EYA4: variants seen among roughly 807,000 people sequenced by gnomAD.
EYA4 encodes the protein EYA transcriptional coactivator and phosphatase 4, also known as protein phosphatase EYA4.
Under a neutral mutation model 87.9 loss-of-function variants are expected in EYA4, and 31 were observed. The observed-to-expected ratio is 0.35, with a 90% CI of 0.27 to 0.48. The LOEUF (loss-of-function observed/expected upper bound fraction) is 0.48, where lower values mean the gene tolerates loss of function less well. Ranked by LOEUF, EYA4 falls within the 20% of genes least tolerant of loss-of-function variation. The pLI, the probability that EYA4 is intolerant of heterozygous loss-of-function variation, is 0.99. For synonymous variants in EYA4, 263 were observed against 270.6 expected (o/e 0.97, Z 0.28); for missense variants, 678 against 761.4 (o/e 0.89, Z 1.29).
chr6:133,419,138 T>A (rs559376537), intron 3 of EYA4, among the ~76,000 whole-genome samples: 26 of 152,326 alleles, frequency 1.7e-4, no homozygotes, highest in Admixed American at 7.8e-4. Flanking sequence ...CTGCACGGCC[T>A]TACAAATGAG....
In EYA4 at chr6:133,426,502, A is replaced by C. The variant is rs150367659; in HGVS notation, c.84-20128A>C. Among the ~76,000 whole-genome samples the C allele has an allele frequency of 1.1e-3, 166 of 152,300 alleles. 1 individual carries two copies. The highest frequency in any genetic ancestry group is 0.01 in the Middle Eastern group (3 of 294). On this transcript the variant is annotated intron_variant, in intron 3 of 19. Coordinates refer to ENST00000355286, the MANE Select transcript of EYA4 (RefSeq NM_004100.5). ...AATTGTTGAATCAGCTTGCTAACCT[A>C]TGTCAGTAAATTATCCCTCTTTTCT...
At chr6:133,253,650 AAATAAT>A (rs146660359) in intron 1 of EYA4, among the ~76,000 whole-genome samples, 1 of 151,614 alleles carries the variant, frequency 6.6e-6, no homozygotes, top group South Asian at 2.1e-4. Context: ...TACCTGGACA[AAATAAT>A]AATAATAATA....
chr6:133,242,007 C>T (rs1773985764), intron 1 of EYA4, among the ~76,000 whole-genome samples: 1 of 152,186 alleles, frequency 6.6e-6, no homozygotes, highest in Non-Finnish European at 1.5e-5. Flanking sequence ...CCCCAAGCCC[C>T]AAGGGTCCCT....
chr6:133,463,639 G>A (rs1334380840), intron 9 of EYA4, among the ~76,000 whole-genome samples: 4 of 152,112 alleles, frequency 2.6e-5, no homozygotes, highest in African/African-American at 9.7e-5. Flanking sequence ...GGGATTACAG[G>A]CGTGAGCCAC....
At chr6:133,332,084 C>T (rs985175628) in intron 2 of EYA4, among the ~76,000 whole-genome samples, 1 of 152,162 alleles carries the variant, frequency 6.6e-6, no homozygotes, top group African/African-American at 2.4e-5. Flanking sequence ...TACTAGCTCT[C>T]TGCGTGGTCA....
intron 2 of EYA4, among the ~76,000 whole-genome samples, chr6:133,364,012 G>A (rs1379165689): frequency 1.3e-5 from 2 of 152,178 alleles, no homozygotes; most frequent in Non-Finnish European, 2.9e-5. Context: ...CCTCACTTAT[G>A]GATCAGCTAA....
rs1779745220 is a variant in EYA4 at position 133,305,640 on chromosome 6, A to ATT, written c.33+30827_33+30828insTT. 3.9e-5 allele frequency among the ~76,000 whole-genome samples: 6 copies of ATT among 152,270 alleles called. No homozygotes were observed. The South Asian group carries it at 1.2e-3, about 32-fold the overall frequency. On this transcript the variant is annotated intron_variant, in intron 2 of 19. Transcript: ENST00000355286. ...GATAATAATTGCTATCATTTAGCCA[A>ATT]GAGCATTCATGGTGAGTTAGCATTG... is the stretch of plus-strand genomic sequence containing the variant.
chr6:133,287,447 C>T (rs1044932714), intron 2 of EYA4, among the ~76,000 whole-genome samples: 11 of 152,058 alleles, frequency 7.2e-5, no homozygotes, highest in African/African-American at 2.7e-4. Context: ...TAAGGCCTGC[C>T]TAGGACTGTG....
At chr6:133,469,557 A>G (rs1795148087) in intron 11 of EYA4, among the ~76,000 whole-genome samples, 1 of 152,044 alleles carries the variant, frequency 6.6e-6, no homozygotes, top group African/African-American at 2.4e-5. Context: ...ATGCTAGAAA[A>G]TGGATTTTTG....
chr6:133,334,457 A>AT (rs1364626501), intron 2 of EYA4, among the ~76,000 whole-genome samples: 3 of 152,068 alleles, frequency 2.0e-5, no homozygotes, highest in African/African-American at 7.2e-5. Flanking sequence ...TCACAGTAGG[A>AT]TTTTTTTGTT....
At chr6:133,425,322 A>G (rs980339732) in intron 3 of EYA4, among the ~76,000 whole-genome samples, 3 of 150,580 alleles carry the variant, frequency 2.0e-5, no homozygotes, top group African/African-American at 7.5e-5. Context: ...CAAAATCTGC[A>G]ATCTAATTAG....
intron 2 of EYA4, among the ~76,000 whole-genome samples, chr6:133,302,099 T>C (rs1435024114): frequency 6.6e-6 from 1 of 152,206 alleles, no homozygotes. Context: ...AGAAACCAGA[T>C]TTTGAAAAGC....
Position 133,513,004 on chromosome 6 carries a change from A to C in EYA4, c.1467A>C (p.Lys489Asn). ...RKLAFRYRRV[K>N]ELYNTYKNNV... ...TGGCTTTTCGTTACAGAAGAGTAAA[A>C]GAATTATATAACACCTACAAGAACA... is the stretch of plus-strand genomic sequence containing the variant. The change falls in exon 16 of 20, where the codon AAA (lysine) becomes AAC (asparagine). Residue 489 changes from lysine (K) to asparagine (N), a missense_variant. Lys to Asn is a moderately conservative substitution (Grantham distance 94). Transcript: ENST00000355286. The C allele has an allele frequency of 1.9e-6, 3 of 1,614,136 alleles. No homozygotes were observed. The highest frequency in any genetic ancestry group is 2.5e-6 in the Non-Finnish European group (3 of 1,179,996).
intron 2 of EYA4, among the ~76,000 whole-genome samples, chr6:133,342,017 A>G (rs962284679): frequency 3.3e-5 from 5 of 152,170 alleles, no homozygotes; most frequent in Non-Finnish European, 2.9e-5. Context: ...TTGACAAGTC[A>G]TTTGAAACAT....
intron 2 of EYA4, among the ~76,000 whole-genome samples, chr6:133,298,045 A>G (rs984449935): frequency 6.6e-6 from 1 of 152,184 alleles, no homozygotes; most frequent in African/African-American, 2.4e-5. Context: ...TCTGTAAAGA[A>G]AAGAGTTTTT....
chr6:133,446,620 G>A lies in EYA4; in HGVS notation c.84-10G>A. On this transcript the variant is annotated splice_polypyrimidine_tract_variant and intron_variant, in intron 3 of 19. Transcript: ENST00000355286. ...TTTCAACTTTTCTCTGCTGCTTACT[G>A]CTCTACCAGGTCTATGGAAATGCAG... The A allele has an allele frequency of 1.2e-6, 2 of 1,613,784 alleles. No homozygotes were observed. The highest frequency in any genetic ancestry group is 2.2e-5 in the South Asian group (2 of 91,076).
intron 16 of EYA4, 139 bp from the exon 17 acceptor site, chr6:133,515,182 G>A: frequency 1.4e-6 from 1 of 696,518 alleles, no homozygotes; most frequent in Non-Finnish European, 2.6e-6. Flanking sequence ...GGATCAATAT[G>A]GACATAAATC....
intron 1 of EYA4, among the ~76,000 whole-genome samples, chr6:133,257,829 CCTTATTTG>C (rs1775460878): frequency 6.6e-6 from 1 of 152,062 alleles, no homozygotes; most frequent in African/African-American, 2.4e-5. Context: ...AAGTATATTT[CCTTATTTG>C]CTTATTTATG....
chr6:133,490,390 A>AAC (rs1300238396), intron 13 of EYA4, among the ~76,000 whole-genome samples: 1 of 143,004 alleles, frequency 7.0e-6, no homozygotes, highest in Non-Finnish European at 1.5e-5. Context: ...GATTAAAAAA[A>AAC]AACAAAAAAA....
Sources: allele counts gnomAD v4.1 joint callset (sites outside exome capture counted in the v4.1 genomes callset), GRCh38; gene constraint gnomAD v4.1.1; transcripts MANE v1.5; gene names NCBI Gene and HGNC (gene_info 2026-07-23, HGNC 2026-07-21).